The following DAB1 variants were observed in gnomAD, a reference collection of about 807,000 sequenced individuals.
DAB1 encodes the protein disabled homolog 1.
In DAB1, 15 loss-of-function variants were observed where a neutral mutation model predicts 64.6. The observed-to-expected ratio is 0.23, with a 90% CI of 0.16 to 0.36. The LOEUF (loss-of-function observed/expected upper bound fraction) is 0.36, where lower values mean the gene tolerates loss of function less well. Among genes scored for constraint, DAB1 ranks in the 10% least tolerant of loss-of-function variants. DAB1 has a pLI of 1.00. For synonymous variants in DAB1, 235 were observed against 251.9 expected (o/e 0.93, Z 0.64); for missense variants, 596 against 706.7 (o/e 0.84, Z 1.78).
chr1:57,148,155 A>C (rs948449831), intron 2 of DAB1, among the ~76,000 whole-genome samples: 1 of 152,190 alleles, frequency 6.6e-6, no homozygotes, highest in East Asian at 1.9e-4. Flanking sequence ...AGTCATCTCT[A>C]AAAAACTGTC....
At chr1:57,940,247 G>C (rs1202776) in intron 5 of DAB1, among the ~76,000 whole-genome samples, 1 of 151,920 alleles carries the variant, frequency 6.6e-6, no homozygotes, top group Non-Finnish European at 1.5e-5. Context: ...CCATGATGCC[G>C]GCTGTATATT....
chr1:57,322,766 G>C (rs35984574), intron 1 of DAB1, among the ~76,000 whole-genome samples: 1 of 152,216 alleles, frequency 6.6e-6, no homozygotes, highest in South Asian at 2.1e-4. Flanking sequence ...CACAATAAGC[G>C]TGATGACAGG....
intron 1 of DAB1, among the ~76,000 whole-genome samples, chr1:57,422,369 C>A (rs1464747736): frequency 2.0e-5 from 3 of 152,292 alleles, no homozygotes; most frequent in South Asian, 2.1e-4. Context: ...CAGGAGGGCT[C>A]GCCCCCGGGC....
chr1:57,501,219 C>T (rs975532110), intron 7 of DAB1, among the ~76,000 whole-genome samples: 2 of 152,186 alleles, frequency 1.3e-5, no homozygotes, highest in Non-Finnish European at 2.9e-5. Context: ...TTTCTTGAAA[C>T]GCTGTCCTGA....
At chr1:58,344,526 T>C (rs1286230532) in intron 3 of DAB1, among the ~76,000 whole-genome samples, 2 of 152,144 alleles carry the variant, frequency 1.3e-5, no homozygotes, top group East Asian at 3.9e-4. Flanking sequence ...AATGCAGACC[T>C]GAGCTGTCTC....
intron 6 of DAB1, among the ~76,000 whole-genome samples, chr1:57,790,314 C>T (rs1285123280): frequency 3.9e-5 from 6 of 152,118 alleles, no homozygotes; most frequent in Non-Finnish European, 5.9e-5. Context: ...GGGGCTTTCC[C>T]CGTGCCTTTG....
intron 6 of DAB1, among the ~76,000 whole-genome samples, chr1:57,760,895 A>G (rs1159101324): frequency 6.6e-6 from 1 of 152,200 alleles, no homozygotes; most frequent in Non-Finnish European, 1.5e-5. Flanking sequence ...TCTTGGCCAA[A>G]GGAAGTCACA....
At chr1:57,922,845 CAA>C (rs367897659) in intron 5 of DAB1, among the ~76,000 whole-genome samples, 7 of 45,008 alleles carry the variant, frequency 1.6e-4, no homozygotes, top group African/African-American at 3.4e-4. Flanking sequence ...GACTCCATCT[CAA>C]AAAAAAAAAA....
At chr1:57,668,681 C>T (rs1646476079) in intron 6 of DAB1, among the ~76,000 whole-genome samples, 2 of 152,056 alleles carry the variant, frequency 1.3e-5, no homozygotes, top group Non-Finnish European at 2.9e-5. Flanking sequence ...TCTTAACAAA[C>T]TTGAATCAAA....
chr1:58,370,378 T>C (rs1190217022), intron 3 of DAB1, among the ~76,000 whole-genome samples: 28 of 14,154 alleles, frequency 2.0e-3, no homozygotes, highest in South Asian at 7.4e-3. Flanking sequence ...TGTGTGCGTG[T>C]GTGTGTGTGT....
At chr1:57,487,457 C>A (rs1226886423) in intron 7 of DAB1, among the ~76,000 whole-genome samples, 1 of 152,254 alleles carries the variant, frequency 6.6e-6, no homozygotes, top group Admixed American at 6.5e-5. Flanking sequence ...TGCTCTGCAC[C>A]AACACCCAGA....
chr1:57,824,793 G>A (rs914909563), downstream of DAB1, among the ~76,000 whole-genome samples: 35 of 152,142 alleles, frequency 2.3e-4, no homozygotes, highest in Admixed American at 1.0e-3. Context: ...CTGCTTTGTC[G>A]AGCTTCAGAG....
At chr1:58,441,704 T>C (rs962012850) in intron 3 of DAB1, among the ~76,000 whole-genome samples, 2 of 152,212 alleles carry the variant, frequency 1.3e-5, no homozygotes, top group Admixed American at 6.5e-5. Context: ...GATGTCCTCC[T>C]GGTAGGACCT....
intron 5 of DAB1, among the ~76,000 whole-genome samples, chr1:58,113,568 A>G (rs1412193884): frequency 6.6e-6 from 1 of 152,192 alleles, no homozygotes; most frequent in African/African-American, 2.4e-5. Flanking sequence ...GAGTGTGGGC[A>G]TGTGTTTGTG....
At chr1:58,375,108 C>T (rs1386201091) in intron 3 of DAB1, among the ~76,000 whole-genome samples, 1 of 147,866 alleles carries the variant, frequency 6.8e-6, no homozygotes, top group African/African-American at 2.5e-5. Flanking sequence ...TCTAGATAAA[C>T]AATCATGTCG....
At chr1:57,471,267 A>T (rs1364135722) in intron 7 of DAB1, among the ~76,000 whole-genome samples, 1 of 152,242 alleles carries the variant, frequency 6.6e-6, no homozygotes, top group African/African-American at 2.4e-5. Flanking sequence ...GATGACAAAA[A>T]TTAGTTGTAA....
At chr1:58,099,755 T>C (rs1438635596) in intron 5 of DAB1, among the ~76,000 whole-genome samples, 1 of 152,222 alleles carries the variant, frequency 6.6e-6, no homozygotes, top group Non-Finnish European at 1.5e-5. Flanking sequence ...ATATCCCTCT[T>C]ATATACAAGT....
At chr1:57,080,415 A>C (rs1474887345) in intron 4 of DAB1, among the ~76,000 whole-genome samples, 1 of 152,252 alleles carries the variant, frequency 6.6e-6, no homozygotes, top group Non-Finnish European at 1.5e-5. Context: ...GGTGGAATTC[A>C]GTAAATACTC....
At chr1:58,141,856 G>A (rs187168551) in intron 5 of DAB1, among the ~76,000 whole-genome samples, 3 of 152,294 alleles carry the variant, frequency 2.0e-5, no homozygotes. Flanking sequence ...GGCATGTTCA[G>A]AGAATTACAA....
Sources: allele counts gnomAD v4.1 joint callset (sites outside exome capture counted in the v4.1 genomes callset), GRCh38; gene constraint gnomAD v4.1.1; transcripts MANE v1.5; gene names NCBI Gene and HGNC (gene_info 2026-07-23, HGNC 2026-07-21).